Variants in CREB5 observed in about 807,000 individuals in gnomAD.
CREB5 encodes cyclic AMP-responsive element-binding protein 5.
CREB5 carries 19 observed loss-of-function variants against 57.1 expected under a neutral mutation model. The observed-to-expected ratio is 0.33, with a 90% CI of 0.23 to 0.49. The LOEUF (loss-of-function observed/expected upper bound fraction) is 0.49, where lower values mean the gene tolerates loss of function less well. CREB5 is among the 20% of genes least tolerant of loss of function. The probability of loss-of-function intolerance (pLI) is 0.99; values close to 1 mark genes in which losing one functional copy is unlikely to be tolerated. For synonymous variants in CREB5, 238 were observed against 238.3 expected (o/e 1.00, Z 0.01); for missense variants, 579 against 671.6 (o/e 0.86, Z 1.52).
chr7:28,560,909 C>CGTGCGT (rs1562797731), intron 4 of CREB5, among the ~76,000 whole-genome samples: 1 of 32,656 alleles, frequency 3.1e-5, no homozygotes, highest in African/African-American at 1.6e-4. Flanking sequence ...TGCGCGCGTG[C>CGTGCGT]GTGTGCGTGT....
intron 5 of CREB5, among the ~76,000 whole-genome samples, chr7:28,612,026 C>T (rs1274788211): frequency 6.6e-6 from 1 of 152,132 alleles, no homozygotes; most frequent in African/African-American, 2.4e-5. Flanking sequence ...GGAAGGACAC[C>T]ACGTAGTCAG....
At chr7:28,461,998 C>T (rs1436639725) in intron 1 of CREB5, among the ~76,000 whole-genome samples, 1 of 152,036 alleles carries the variant, frequency 6.6e-6, no homozygotes, top group Non-Finnish European at 1.5e-5. Context: ...GTGTAATTAT[C>T]ACCATTGTCT....
At chr7:28,547,381 T>G (rs1794461246) in intron 4 of CREB5, among the ~76,000 whole-genome samples, 1 of 152,226 alleles carries the variant, frequency 6.6e-6, no homozygotes, top group South Asian at 2.1e-4. Context: ...TGAGCATCTC[T>G]TCACGGATAC....
chr7:28,796,353 T>C (rs1431100599), intron 7 of CREB5, among the ~76,000 whole-genome samples: 1 of 152,236 alleles, frequency 6.6e-6, no homozygotes, highest in East Asian at 1.9e-4. Flanking sequence ...TGTTGTAGAA[T>C]ATGTCCGTGT....
chr7:28,571,219 C>T (rs1795690400), intron 5 of CREB5, among the ~76,000 whole-genome samples: 1 of 152,102 alleles, frequency 6.6e-6, no homozygotes, highest in Non-Finnish European at 1.5e-5. Flanking sequence ...CAGTTTAAAA[C>T]TTGTGAATTG....
At chr7:28,617,245 T>C (rs1309853174) in intron 5 of CREB5, among the ~76,000 whole-genome samples, 3 of 152,228 alleles carry the variant, frequency 2.0e-5, no homozygotes, top group Non-Finnish European at 4.4e-5. Flanking sequence ...TATATGATAA[T>C]GTTGATCTGA....
At chr7:28,324,659 C>T (rs547959259) in intron 1 of CREB5, among the ~76,000 whole-genome samples, 6 of 152,242 alleles carry the variant, frequency 3.9e-5, no homozygotes, top group South Asian at 2.1e-4. Context: ...CTCATCCAAC[C>T]GTAAGGTCTT....
chr7:28,377,552 A>C (rs952765559), intron 1 of CREB5, among the ~76,000 whole-genome samples: 1 of 151,948 alleles, frequency 6.6e-6, no homozygotes, highest in Non-Finnish European at 1.5e-5. Flanking sequence ...TTTTTGAAAG[A>C]CTGCTATCGT....
intron 7 of CREB5, among the ~76,000 whole-genome samples, chr7:28,763,513 TA>T (rs1805780694): frequency 6.6e-6 from 1 of 152,140 alleles, no homozygotes; most frequent in Non-Finnish European, 1.5e-5. Context: ...TACTTTACCC[TA>T]AACCTTCAAT....
At chr7:28,392,802 C>A (rs546867614) in intron 1 of CREB5, among the ~76,000 whole-genome samples, 1 of 152,314 alleles carries the variant, frequency 6.6e-6, no homozygotes, top group South Asian at 2.1e-4. Flanking sequence ...CGTAACTAGA[C>A]CTCATCTGTC....
chr7:28,396,468 A>C (rs949415265), intron 1 of CREB5, among the ~76,000 whole-genome samples: 17 of 152,172 alleles, frequency 1.1e-4, no homozygotes, highest in Admixed American at 7.9e-4. Context: ...AATATATACT[A>C]ATCTATATCA....
At chr7:28,523,514 A>T (rs1194353248) in intron 4 of CREB5, among the ~76,000 whole-genome samples, 1 of 152,190 alleles carries the variant, frequency 6.6e-6, no homozygotes, top group Non-Finnish European at 1.5e-5. Context: ...CTCTTCTGGG[A>T]TCGTGTGTAC....
intron 1 of CREB5, among the ~76,000 whole-genome samples, chr7:28,465,102 A>G (rs1346729305): frequency 1.3e-5 from 2 of 152,218 alleles, no homozygotes; most frequent in Non-Finnish European, 2.9e-5. Context: ...TCAGAAGTCC[A>G]GAGGATAGGA....
At chr7:28,585,893 AAATTT>A (rs1796288716) in intron 5 of CREB5, among the ~76,000 whole-genome samples, 1 of 152,160 alleles carries the variant, frequency 6.6e-6, no homozygotes, top group Non-Finnish European at 1.5e-5. Flanking sequence ...GAACATTTGA[AAATTT>A]AATACTTTCA....
At chr7:28,717,666 T>C (rs914693525) in intron 5 of CREB5, among the ~76,000 whole-genome samples, 3 of 152,114 alleles carry the variant, frequency 2.0e-5, no homozygotes, top group African/African-American at 7.2e-5. Context: ...CGAGGGAGCC[T>C]CTCCCTCGTT....
Position 28,718,857 on chromosome 7 carries a change from G to A in CREB5, c.569G>A (p.Gly190Glu). The change falls in exon 6 of 11, where the codon GGA (glycine) becomes GAA (glutamate). Residue 190 changes from glycine (G) to glutamate (E), a missense_variant. Physicochemically the swap from Gly to Glu is moderately conservative, Grantham distance 98. Coordinates refer to ENST00000357727, the MANE Select transcript of CREB5 (RefSeq NM_182898.4). ...PGTLPNPTMPGSSAVLMPMER... is the reference protein window; with the variant it reads ...PGTLPNPTMPESSAVLMPMER... ...ACCCTGCCCAACCCTACAATGCCAG[G>A]ATCTTCCGCCGTCTTGATGCCAGTA... 6.2e-7 allele frequency: 1 copy of A among 1,614,074 alleles called. No individual in the cohort carries two copies. The highest frequency in any genetic ancestry group is 8.5e-7 in the Non-Finnish European group (1 of 1,179,938).
chr7:28,694,656 GC>G (rs1801447419), intron 5 of CREB5, among the ~76,000 whole-genome samples: 1 of 152,172 alleles, frequency 6.6e-6, no homozygotes, highest in Non-Finnish European at 1.5e-5. Context: ...TGGTCTTCCT[GC>G]CTCAGCCTCC....
intron 6 of CREB5, 105 bp downstream of exon 6, chr7:28,718,984 G>A (rs1802865038): frequency 1.9e-6 from 3 of 1,542,426 alleles, no homozygotes. Context: ...GGGAAAGAAG[G>A]CGACTGCTTC....
At chr7:28,390,716 G>A (rs763591372) in intron 1 of CREB5, among the ~76,000 whole-genome samples, 2 of 152,162 alleles carry the variant, frequency 1.3e-5, no homozygotes, top group Non-Finnish European at 2.9e-5. Flanking sequence ...TCACATTGTA[G>A]TACAGTGGGG....
Sources: gnomAD v4.1 joint callset for allele counts (sites outside exome capture counted in the v4.1 genomes callset) on GRCh38, gnomAD v4.1.1 for gene constraint, MANE v1.5 for transcripts, NCBI Gene and HGNC (gene_info 2026-07-23, HGNC 2026-07-21) for gene names.